Variants in MYOF observed in about 807,000 individuals in gnomAD.
The protein encoded by MYOF is myoferlin.
Under a neutral mutation model 284.2 loss-of-function variants are expected in MYOF, and 244 were observed. The observed-to-expected ratio is 0.86, with a 90% CI of 0.77 to 0.95. MYOF has a LOEUF of 0.95. MYOF is among the 40% of genes least tolerant of loss of function. The pLI is 0.00. For missense variants in MYOF, 2,496 were observed against 2,560.6 expected (o/e 0.97, Z 0.54); for synonymous variants, 904 against 919.7 (o/e 0.98, Z 0.31).
chr10:93,329,062 T>C (rs1393417661), intron 44 of MYOF, 151 bp from the exon 45 acceptor site: 4 of 706,724 alleles, frequency 5.7e-6, no homozygotes, highest in Non-Finnish European at 8.9e-6. Context: ...GAAATCTATT[T>C]CAGAGTCCTA....
intron 18 of MYOF, among the ~76,000 whole-genome samples, chr10:93,388,463 C>T (rs1846508547): frequency 6.6e-6 from 1 of 152,160 alleles, no homozygotes; most frequent in South Asian, 2.1e-4. Flanking sequence ...CCCACCATAC[C>T]CAGCAGTGCT....
intron 9 of MYOF, among the ~76,000 whole-genome samples, chr10:93,403,746 A>T (rs890024984): frequency 3.3e-5 from 5 of 152,264 alleles, no homozygotes; most frequent in South Asian, 2.1e-4. Flanking sequence ...GCCATGGTCA[A>T]CACCCCTTCC....
chr10:93,356,662 A>G lies in MYOF; in HGVS notation c.3294+13T>C. The G allele has an allele frequency of 1.9e-6, 3 of 1,610,412 alleles. No homozygotes were observed. The highest frequency in any genetic ancestry group is 2.5e-6 in the Non-Finnish European group (3 of 1,178,536). ...CACCAATATGATCTGCGCTCTGGCA[A>G]CCTAGTACTTACAAGGGCACCTTCA... On this transcript the variant is annotated intron_variant, in intron 30 of 53. Transcript: ENST00000359263.
At chr10:93,406,257 C>T (rs1343287016) in intron 7 of MYOF, among the ~76,000 whole-genome samples, 1 of 112,238 alleles carries the variant, frequency 8.9e-6, no homozygotes, top group Admixed American at 1.1e-4. Context: ...CCACGCCTGG[C>T]CAGGCTAGAA....
intron 49 of MYOF, among the ~76,000 whole-genome samples, chr10:93,318,015 C>T (rs1451825554): frequency 6.6e-6 from 1 of 152,158 alleles, no homozygotes; most frequent in Non-Finnish European, 1.5e-5. Context: ...CCAAGCACCA[C>T]AGGGTGTGGG....
chr10:93,351,653 T>C lies in MYOF; in HGVS notation c.3663+12A>G. The stretch of plus-strand genomic sequence containing the variant: ...CATCCCCAAGTTATCTTAGAAATTC[T>C]AAACGACCTACCACTTGGTCATTGT... On this transcript the variant is annotated intron_variant, in intron 33 of 53. Coordinates refer to ENST00000359263, the MANE Select transcript of MYOF (RefSeq NM_013451.4). The C allele has an allele frequency of 6.3e-7, 1 of 1,591,578 alleles. No homozygotes were observed. The highest frequency in any genetic ancestry group is 8.6e-7 in the Non-Finnish European group (1 of 1,169,474).
chr10:93,377,958 G>A (rs1341855300), intron 21 of MYOF, among the ~76,000 whole-genome samples: 1 of 152,196 alleles, frequency 6.6e-6, no homozygotes, highest in East Asian at 1.9e-4. Context: ...GATAGATATA[G>A]AAATAAATAG....
At chr10:93,422,212 G>A (rs1340654412) in intron 5 of MYOF, among the ~76,000 whole-genome samples, 1 of 152,178 alleles carries the variant, frequency 6.6e-6, no homozygotes, top group Non-Finnish European at 1.5e-5. Context: ...ACCAACACTT[G>A]GTGACCTTCT....
intron 25 of MYOF, among the ~76,000 whole-genome samples, chr10:93,368,698 A>G (rs530047696): frequency 6.6e-6 from 1 of 152,378 alleles, no homozygotes; most frequent in East Asian, 1.9e-4. Context: ...ATGAATAAAA[A>G]GTAAAAATAA....
At chr10:93,430,225 C>T (rs1265267244) in intron 4 of MYOF, among the ~76,000 whole-genome samples, 1 of 151,864 alleles carries the variant, frequency 6.6e-6, no homozygotes, top group Non-Finnish European at 1.5e-5. Context: ...TGAGCCACCG[C>T]GCCCAGCAAG....
rs372417241 is a variant in MYOF, at chr10:93,310,056, C to T, written c.6111G>A (p.Leu2037=). The T allele has an allele frequency of 6.2e-7, 1 of 1,614,076 alleles. No individual in the cohort carries two copies. The part of the protein sequence containing the change: ...VIIGLLFLLI[L]LLFVAVLLYS... ...AGAGGAGCACGGCCACGAAGAGCAG[C>T]AGGATAAGCAGGAACAGCAAGCCGA... The change falls in exon 53 of 54, where the codon CTG becomes CTA. Residue 2037 remains leucine, a synonymous_variant. Transcript: ENST00000359263.
At chr10:93,445,778 T>C (rs776211636) in intron 3 of MYOF, among the ~76,000 whole-genome samples, 1 of 152,184 alleles carries the variant, frequency 6.6e-6, no homozygotes, top group African/African-American at 2.4e-5. Context: ...TGAGGGCTCA[T>C]GTTTGCACAG....
At chr10:93,461,450 A>G (rs187375371) in intron 1 of MYOF, among the ~76,000 whole-genome samples, 7,123 of 150,008 alleles carry the variant, frequency 0.047, 220 homozygotes, top group Non-Finnish European at 0.07. Flanking sequence ...TTCAGTTGCT[A>G]TCAGAGGGGT....
intron 43 of MYOF, among the ~76,000 whole-genome samples, chr10:93,330,556 A>G (rs756645606): frequency 6.6e-6 from 1 of 152,200 alleles, no homozygotes; most frequent in Non-Finnish European, 1.5e-5. Context: ...CCTTGGCTCC[A>G]GTTCTTTAAG....
chr10:93,439,564 C>A (rs910619597), intron 3 of MYOF, among the ~76,000 whole-genome samples: 6 of 152,176 alleles, frequency 3.9e-5, no homozygotes, highest in East Asian at 3.9e-4. Flanking sequence ...TGACTAGGAA[C>A]GTGGAGGCAG....
chr10:93,373,217 C>G, intron 23 of MYOF, 132 bp from the exon 24 acceptor site: 2 of 1,047,920 alleles, frequency 1.9e-6, no homozygotes, highest in South Asian at 3.1e-5. Context: ...GGCTCTGTCT[C>G]AAATTCCTGA....
chr10:93,350,409 T>C (rs1844451321), intron 35 of MYOF, among the ~76,000 whole-genome samples: 1 of 151,748 alleles, frequency 6.6e-6, no homozygotes, highest in Admixed American at 6.6e-5. Flanking sequence ...ACCCCCTGAG[T>C]TCAAGTGATT....
At chr10:93,405,464 T>C (rs1218222016) in intron 7 of MYOF, among the ~76,000 whole-genome samples, 1 of 152,252 alleles carries the variant, frequency 6.6e-6, no homozygotes, top group African/African-American at 2.4e-5. Flanking sequence ...TTGCCTTTTG[T>C]TCTTCTTTAA....
chr10:93,366,796 C>T (rs1171884454), intron 25 of MYOF, among the ~76,000 whole-genome samples: 2 of 152,180 alleles, frequency 1.3e-5, no homozygotes, highest in Non-Finnish European at 2.9e-5. Context: ...TGCTACCTCT[C>T]CTATAGAGTC....
Sources: gnomAD v4.1 joint callset for allele counts (sites outside exome capture counted in the v4.1 genomes callset) on GRCh38, gnomAD v4.1.1 for gene constraint, MANE v1.5 for transcripts, NCBI Gene and HGNC (gene_info 2026-07-23, HGNC 2026-07-21) for gene names.